Variants in RAPGEF5 observed in about 807,000 individuals in gnomAD.
RAPGEF5 encodes Rap guanine nucleotide exchange factor 5.
In RAPGEF5, 65 loss-of-function variants were observed where a neutral mutation model predicts 125.2. That is an observed-to-expected ratio of 0.52 (90% CI 0.43 to 0.64). The LOEUF is 0.64. Ranked by LOEUF, RAPGEF5 falls within the 30% of genes least tolerant of loss-of-function variation. The probability of loss-of-function intolerance (pLI) is 0.00; values close to 1 mark genes in which losing one functional copy is unlikely to be tolerated. For missense variants in RAPGEF5, 958 were observed against 1,048.1 expected, an observed-to-expected ratio of 0.91 and a Z score of 1.19; for synonymous variants, 391 against 385.9, an observed-to-expected ratio of 1.01 and a Z score of -0.16.
chr7:22,123,964 T>A (rs931316596), intron 25 of RAPGEF5, among the ~76,000 whole-genome samples: 1 of 152,266 alleles, frequency 6.6e-6, no homozygotes, highest in African/African-American at 2.4e-5. Flanking sequence ...TGGTTTACTA[T>A]GCTCATATAA....
chr7:22,316,489 A>ATATT (rs1201099897), intron 2 of RAPGEF5, among the ~76,000 whole-genome samples: 22 of 50,634 alleles, frequency 4.3e-4, no homozygotes, highest in African/African-American at 1.1e-3. Flanking sequence ...ATATATATAT[A>ATATT]TTTTTTTTTT....
At chr7:22,305,162 C>T (rs965744834) in intron 5 of RAPGEF5, among the ~76,000 whole-genome samples, 1 of 152,166 alleles carries the variant, frequency 6.6e-6, no homozygotes. Flanking sequence ...ACGGGTTACC[C>T]GATCTCTGTA....
At position 22,291,037 on chromosome 7, in the gene RAPGEF5, G is replaced by C. The variant is rs796279992; in HGVS notation, c.747+138C>G. ...AAAGTCAAAGCCACTGTCTCCCTCT[G>C]CCTTGCCTCATACCTCCCACAATGA... On this transcript the variant is annotated intron_variant, in intron 6 of 25. Transcript: ENST00000665637. 18 of 935,528 alleles carry C rather than the reference G, an allele frequency of 1.9e-5. No individual in the cohort carries two copies. In the African/African-American group the frequency reaches 2.8e-4, roughly 15 times the overall value. 58.0% of individuals were successfully genotyped at this position (935,528 alleles called of 1,614,324 possible).
chr7:22,266,703 A>G (rs1029384443), intron 7 of RAPGEF5, among the ~76,000 whole-genome samples: 1 of 152,194 alleles, frequency 6.6e-6, no homozygotes, highest in Non-Finnish European at 1.5e-5. Flanking sequence ...CTTCAAACAT[A>G]TTTTTAACTT....
chr7:22,151,568 G>A (rs1042206409), intron 17 of RAPGEF5, among the ~76,000 whole-genome samples: 8 of 149,942 alleles, frequency 5.3e-5, no homozygotes, highest in Admixed American at 3.4e-4. Context: ...GGGTTCAAGT[G>A]ATTCTCCAAC....
chr7:22,148,583 T>C (rs896851826), intron 18 of RAPGEF5, among the ~76,000 whole-genome samples: 2 of 152,212 alleles, frequency 1.3e-5, no homozygotes, highest in South Asian at 2.1e-4. Context: ...ATGATTCCAG[T>C]AGGACAATTT....
chr7:22,282,621 C>CAATG (rs1782699642), intron 6 of RAPGEF5, among the ~76,000 whole-genome samples: 1 of 152,168 alleles, frequency 6.6e-6, no homozygotes, highest in Non-Finnish European at 1.5e-5. Context: ...CTCTCCAATG[C>CAATG]AATGGTAATA....
chr7:22,197,893 T>TGGGGGGGG (rs56101457), intron 9 of RAPGEF5, among the ~76,000 whole-genome samples: 11 of 116,192 alleles, frequency 9.5e-5, no homozygotes, highest in African/African-American at 1.4e-4. Flanking sequence ...TCTTTTTTTT[T>TGGGGGGGG]GGGGGGGGGT....
chr7:22,280,600 C>T (rs958570474), intron 6 of RAPGEF5, among the ~76,000 whole-genome samples: 15 of 152,056 alleles, frequency 9.9e-5, no homozygotes, highest in African/African-American at 3.4e-4. Flanking sequence ...AGAACTTATT[C>T]GAGGAAACTG....
rs573390515 is a variant in RAPGEF5 at position 22,127,786 on chromosome 7, C to G, written c.2482-2128G>C. ...ATTATTGCTGAAAGAATATTAAACA[C>G]TAAAATATGTTCTTACTTAAAATTC... On this transcript the variant is annotated intron_variant, in intron 24 of 25. Transcript: ENST00000665637. Among the ~76,000 whole-genome samples, 5 of 152,302 alleles carry G rather than the reference C, an allele frequency of 3.3e-5. No homozygotes were observed. In the South Asian group the frequency reaches 1.0e-3, roughly 32 times the overall value.
chr7:22,178,185 A>T (rs928005745), intron 11 of RAPGEF5, among the ~76,000 whole-genome samples: 3 of 152,220 alleles, frequency 2.0e-5, no homozygotes, highest in Non-Finnish European at 4.4e-5. Context: ...ACACATATTT[A>T]TATTTTTTAA....
At chr7:22,211,239 C>G (rs1785501106) in intron 9 of RAPGEF5, among the ~76,000 whole-genome samples, 1 of 152,168 alleles carries the variant, frequency 6.6e-6, no homozygotes, top group Admixed American at 6.5e-5. Flanking sequence ...TTATAAATTT[C>G]TTTTCCTCAT....
chr7:22,231,429 C>T (rs2128134640), intron 7 of RAPGEF5, among the ~76,000 whole-genome samples: 1 of 152,244 alleles, frequency 6.6e-6, no homozygotes, highest in East Asian at 1.9e-4. Flanking sequence ...TATCCAAGCC[C>T]TTATCACCCT....
At chr7:22,291,075 G>T in intron 6 of RAPGEF5, 100 bp downstream of exon 6, 7 of 1,335,768 alleles carry the variant, frequency 5.2e-6, no homozygotes, top group African/African-American at 3.0e-5. Flanking sequence ...AGCAGCCACA[G>T]GGAAAATGTC....
At chr7:22,252,361 C>G (rs749200269) in intron 7 of RAPGEF5, among the ~76,000 whole-genome samples, 44 of 152,168 alleles carry the variant, frequency 2.9e-4, no homozygotes, top group Admixed American at 6.5e-5. Context: ...TTAGCTTTGT[C>G]TACTAAGTGT....
intron 3 of RAPGEF5, among the ~76,000 whole-genome samples, chr7:22,314,001 G>A (rs886602410): frequency 3.9e-5 from 6 of 152,162 alleles, no homozygotes; most frequent in Admixed American, 2.0e-4. Context: ...AAAGAGCTCC[G>A]TGAGTCCATA....
At chr7:22,128,050 G>A (rs1562702386) in intron 24 of RAPGEF5, among the ~76,000 whole-genome samples, 1 of 152,052 alleles carries the variant, frequency 6.6e-6, no homozygotes, top group Non-Finnish European at 1.5e-5. Context: ...TTTAAGCTCT[G>A]GCGTCACATT....
intron 1 of RAPGEF5, among the ~76,000 whole-genome samples, chr7:22,345,705 T>TTC (rs201263951): frequency 7.8e-4 from 108 of 138,954 alleles, no homozygotes; most frequent in Non-Finnish European, 1.2e-3. Context: ...GCTTTTTTTT[T>TTC]TTTTTTTTTT....
At chr7:22,321,598 C>T (rs1783716200) in intron 1 of RAPGEF5, among the ~76,000 whole-genome samples, 1 of 152,152 alleles carries the variant, frequency 6.6e-6, no homozygotes, top group African/African-American at 2.4e-5. Flanking sequence ...GCACTACCTG[C>T]CCTTTTACTA....
Sources: gnomAD v4.1 joint callset for allele counts (sites outside exome capture counted in the v4.1 genomes callset) on GRCh38, gnomAD v4.1.1 for gene constraint, MANE v1.5 for transcripts, NCBI Gene and HGNC (gene_info 2026-07-23, HGNC 2026-07-21) for gene names.